SNX24: variants seen among roughly 807,000 people sequenced by gnomAD.
The protein encoded by SNX24 is sorting nexin-24.
In SNX24, 22 loss-of-function variants were observed where a neutral mutation model predicts 28.7. The observed-to-expected ratio is 0.77, with a 90% CI of 0.55 to 1.10. SNX24 has a LOEUF of 1.10. SNX24 is among the 50% of genes least tolerant of loss of function. The pLI is 0.00. For missense variants in SNX24, 221 were observed against 201.1 expected, an observed-to-expected ratio of 1.10 and a Z score of -0.60; for synonymous variants, 69 against 71.5, an observed-to-expected ratio of 0.96 and a Z score of 0.18.
intron 2 of SNX24, among the ~76,000 whole-genome samples, chr5:122,937,733 A>C (rs1212554963): frequency 6.6e-6 from 1 of 152,146 alleles, no homozygotes; most frequent in Non-Finnish European, 1.5e-5. Context: ...TTCTCTGGTT[A>C]GCACTTTTTC....
chr5:122,928,874 G>T, intron 1 of SNX24, among the ~76,000 whole-genome samples: 2 of 145,816 alleles, frequency 1.4e-5, no homozygotes, highest in East Asian at 2.3e-4. Flanking sequence ...TTCTGTTCTT[G>T]CTCAAGTATT....
At chr5:122,977,628 T>C (rs1761221330) in intron 3 of SNX24, among the ~76,000 whole-genome samples, 1 of 152,224 alleles carries the variant, frequency 6.6e-6, no homozygotes, top group South Asian at 2.1e-4. Context: ...CTTTAAATTA[T>C]ACCCTTGCTG....
At chr5:122,962,610 G>A (rs1431586588) in intron 3 of SNX24, among the ~76,000 whole-genome samples, 1 of 152,244 alleles carries the variant, frequency 6.6e-6, no homozygotes, top group Non-Finnish European at 1.5e-5. Context: ...AGCCTACCAA[G>A]CTATGGGTAA....
chr5:122,890,808 C>T (rs1195706359), intron 1 of SNX24, among the ~76,000 whole-genome samples: 3 of 152,110 alleles, frequency 2.0e-5, no homozygotes, highest in African/African-American at 4.8e-5. Context: ...ATAGCCCTAT[C>T]TTGACAATGA....
intron 1 of SNX24, among the ~76,000 whole-genome samples, chr5:122,856,716 A>G (rs990982038): frequency 6.6e-6 from 1 of 151,924 alleles, no homozygotes; most frequent in African/African-American, 2.4e-5. Flanking sequence ...GGGTTTCACC[A>G]TGTTTGCCAG....
Position 122,946,115 on chromosome 5 carries a change from A to G in SNX24, c.205A>G (p.Lys69Glu). 1 of 1,611,956 alleles carries G rather than the reference A, an allele frequency of 6.2e-7. No individual in the cohort carries two copies. The highest frequency in any genetic ancestry group is 8.5e-7 in the Non-Finnish European group (1 of 1,178,440). The part of the protein sequence containing the change: ...PSKHVRNWVP[K>E]VLEQRRQGLE... The stretch of plus-strand genomic sequence containing the variant: ...TAAACATGTTAGGAACTGGGTCCCC[A>G]AAGTCTTGGAACAGCGACGACAAGG... Residue 69 changes from lysine to glutamate, a missense_variant, in exon 3 of 7, where the codon AAA becomes GAA. Physicochemically the swap from Lys to Glu is moderately conservative, Grantham distance 56 (BLOSUM62 1). Coordinates refer to ENST00000261369, the MANE Select transcript of SNX24 (RefSeq NM_014035.4).
rs1271736076 is a variant in SNX24 at position 122,937,797 on chromosome 5, G to T, written c.144+980G>T. 2.6e-5 allele frequency among the ~76,000 whole-genome samples: 4 copies of T among 152,174 alleles called. No individual in the cohort carries two copies. In the East Asian group the frequency reaches 5.8e-4, roughly 22 times the overall value. On this transcript the variant is annotated intron_variant, in intron 2 of 6. Coordinates refer to ENST00000261369, the MANE Select transcript of SNX24 (RefSeq NM_014035.4). ...TACAGGTGAACACAGATTTAGACCA[G>T]ATGTTGCCAGTGACTTTACAAAAGC...
chr5:122,901,293 T>C (rs1351318239), intron 1 of SNX24, among the ~76,000 whole-genome samples: 1 of 152,174 alleles, frequency 6.6e-6, no homozygotes, highest in Non-Finnish European at 1.5e-5. Flanking sequence ...ATATAGCTTG[T>C]TTTCTTTTTA....
chr5:122,850,412 G>T (rs1462624248), intron 1 of SNX24, among the ~76,000 whole-genome samples: 2 of 152,162 alleles, frequency 1.3e-5, no homozygotes, highest in African/African-American at 4.8e-5. Flanking sequence ...AATACATTGG[G>T]TTTAGAATTT....
intron 5 of SNX24, chr5:123,025,763 GA>G: frequency 6.2e-7 from 1 of 1,605,472 alleles, no homozygotes; most frequent in Non-Finnish European, 8.5e-7. Flanking sequence ...GCTTTGAAAG[GA>G]AAAAAATGTA....
chr5:122,942,000 C>T (rs1432802406), intron 2 of SNX24, among the ~76,000 whole-genome samples: 1 of 152,186 alleles, frequency 6.6e-6, no homozygotes, highest in Admixed American at 6.5e-5. Flanking sequence ...TGTGCCTTGG[C>T]TACACCTGTC....
chr5:123,029,309 C>G (rs982137322), exon 6 of SNX24: 28 of 1,613,990 alleles, frequency 1.7e-5, no homozygotes, highest in Middle Eastern at 3.3e-4. Flanking sequence ...ACATACCTCT[C>G]CTGTTGCTAG....
intron 1 of SNX24, among the ~76,000 whole-genome samples, chr5:122,903,416 C>T (rs1757520649): frequency 6.6e-6 from 1 of 152,170 alleles, no homozygotes; most frequent in African/African-American, 2.4e-5. Context: ...TGCCACGCCT[C>T]CTCTGCACTT....
At chr5:122,881,801 T>C (rs1000127782) in intron 1 of SNX24, among the ~76,000 whole-genome samples, 5 of 150,774 alleles carry the variant, frequency 3.3e-5, no homozygotes, top group Non-Finnish European at 7.4e-5. Flanking sequence ...TCTATACTTC[T>C]ATCTGTATAC....
At chr5:122,994,841 G>C (rs1761994460) in intron 3 of SNX24, among the ~76,000 whole-genome samples, 1 of 152,148 alleles carries the variant, frequency 6.6e-6, no homozygotes, top group Non-Finnish European at 1.5e-5. Flanking sequence ...GAGTAACATT[G>C]TGTAAAGAAA....
chr5:123,020,880 G>T (rs1164647080), intron 5 of SNX24, among the ~76,000 whole-genome samples: 1 of 152,100 alleles, frequency 6.6e-6, no homozygotes, highest in Non-Finnish European at 1.5e-5. Flanking sequence ...AATCATTCTG[G>T]AAGTCCAATG....
intron 1 of SNX24, chr5:122,853,857 A>T (rs536563259): frequency 6.1e-6 from 1 of 163,064 alleles, no homozygotes; most frequent in African/African-American, 2.4e-5. Context: ...TGTACAATCA[A>T]ATGACTGGTT....
chr5:122,951,953 C>T (rs560482236), intron 3 of SNX24, among the ~76,000 whole-genome samples: 3 of 152,242 alleles, frequency 2.0e-5, no homozygotes, highest in African/African-American at 7.2e-5. Context: ...CGGAATGCCC[C>T]GAAATTTGAA....
intron 4 of SNX24, among the ~76,000 whole-genome samples, chr5:123,000,376 A>C (rs1039313872): frequency 1.3e-5 from 2 of 152,252 alleles, no homozygotes; most frequent in African/African-American, 4.8e-5. Context: ...ACATTCATAT[A>C]ATTTTAAAGT....
Sources: gnomAD v4.1 joint callset for allele counts (sites outside exome capture counted in the v4.1 genomes callset) on GRCh38, gnomAD v4.1.1 for gene constraint, MANE v1.5 for transcripts, NCBI Gene and HGNC (gene_info 2026-07-23, HGNC 2026-07-21) for gene names.